Variants in TACR1 observed in about 807,000 individuals in gnomAD.
TACR1 encodes tachykinin receptor 1, also known as substance-P receptor.
Under a neutral mutation model 35.8 loss-of-function variants are expected in TACR1, and 25 were observed. The ratio of observed to expected loss-of-function variants is 0.70; its 90% CI spans 0.51 to 0.98. TACR1 has a LOEUF of 0.98. Among genes scored for constraint, TACR1 ranks in the 50% least tolerant of loss-of-function variants. The probability of loss-of-function intolerance (pLI) is 0.00; values close to 1 mark genes in which losing one functional copy is unlikely to be tolerated. For missense variants in TACR1, 478 were observed against 522.9 expected, an observed-to-expected ratio of 0.91 and a Z score of 0.84; for synonymous variants, 195 against 206.7, an observed-to-expected ratio of 0.94 and a Z score of 0.48.
chr2:75,061,676 A>G (rs918906679), intron 2 of TACR1, among the ~76,000 whole-genome samples: 2 of 152,186 alleles, frequency 1.3e-5, no homozygotes, highest in South Asian at 4.1e-4. Flanking sequence ...GTCGCCCTGT[A>G]TCGTGATGGG....
chr2:75,071,294 C>T (rs576290982), intron 2 of TACR1, among the ~76,000 whole-genome samples: 1 of 152,340 alleles, frequency 6.6e-6, no homozygotes, highest in African/African-American at 2.4e-5. Context: ...TAGGCTGGGC[C>T]CAACTCTTGC....
At chr2:75,195,816 T>TA (rs1258190382) in intron 1 of TACR1, among the ~76,000 whole-genome samples, 1 of 152,188 alleles carries the variant, frequency 6.6e-6, no homozygotes, top group African/African-American at 2.4e-5. Context: ...AATAGAATAG[T>TA]ATGAAGCCAT....
At chr2:75,129,418 G>GAAC (rs1236023873) in intron 1 of TACR1, among the ~76,000 whole-genome samples, 2 of 152,216 alleles carry the variant, frequency 1.3e-5, no homozygotes, top group Middle Eastern at 3.4e-3. Context: ...AAGTTTTTGT[G>GAAC]AACAACATCA....
intron 1 of TACR1, among the ~76,000 whole-genome samples, chr2:75,143,166 T>A (rs1674442740): frequency 6.6e-6 from 1 of 152,166 alleles, no homozygotes; most frequent in Admixed American, 6.5e-5. Flanking sequence ...GGTTGGGCTA[T>A]AGTCTGAGGT....
chr2:75,171,898 A>G (rs1468001606), intron 1 of TACR1, among the ~76,000 whole-genome samples: 1 of 152,028 alleles, frequency 6.6e-6, no homozygotes, highest in African/African-American at 2.4e-5. Flanking sequence ...GTCTCAGATG[A>G]GACTTTGGAC....
chr2:75,103,166 T>G (rs775830213), intron 2 of TACR1, among the ~76,000 whole-genome samples: 39 of 152,128 alleles, frequency 2.6e-4, no homozygotes, highest in Non-Finnish European at 5.0e-4. Flanking sequence ...AACAATAATA[T>G]ACCTAGAGCC....
At chr2:75,153,741 C>T (rs941669029) in intron 1 of TACR1, among the ~76,000 whole-genome samples, 1 of 152,190 alleles carries the variant, frequency 6.6e-6, no homozygotes, top group Non-Finnish European at 1.5e-5. Flanking sequence ...GTTGTGAAGA[C>T]AGAGGATCCA....
intron 2 of TACR1, among the ~76,000 whole-genome samples, chr2:75,112,660 GT>G (rs1673774917): frequency 6.6e-6 from 1 of 151,302 alleles, no homozygotes; most frequent in Non-Finnish European, 1.5e-5. Context: ...ATTTTATTTT[GT>G]CAAGGATTAT....
At chr2:75,122,886 G>A (rs1303549705) in intron 1 of TACR1, among the ~76,000 whole-genome samples, 1 of 152,194 alleles carries the variant, frequency 6.6e-6, no homozygotes, top group East Asian at 1.9e-4. Context: ...CTCTGGGGTA[G>A]TCCCTTGAAA....
In TACR1 at chr2:75,073,414, A is replaced by G. The variant is rs372566851; in HGVS notation, c.585-19659T>C. Reference sequence around the variant, plus strand: ...GCTTAGAGCCAACTTCTTTGGACTGACATCCCCCTTCAAGGGAGTAAGTGT... The same window carrying G: ...GCTTAGAGCCAACTTCTTTGGACTGGCATCCCCCTTCAAGGGAGTAAGTGT... On this transcript the variant is annotated intron_variant, in intron 2 of 4. Transcript: ENST00000305249. Among the ~76,000 whole-genome samples, 9 of 152,370 alleles carry G rather than the reference A, an allele frequency of 5.9e-5. No homozygotes were observed. The East Asian group carries it at 1.3e-3, about 23-fold the overall frequency.
At chr2:75,081,740 A>G (rs1673090431) in intron 2 of TACR1, among the ~76,000 whole-genome samples, 1 of 152,054 alleles carries the variant, frequency 6.6e-6, no homozygotes, top group African/African-American at 2.4e-5. Flanking sequence ...ATGTTTTTCA[A>G]GGTAAGGGAT....
chr2:75,085,371 G>A (rs1170542742), intron 2 of TACR1, among the ~76,000 whole-genome samples: 1 of 151,940 alleles, frequency 6.6e-6, no homozygotes, highest in Non-Finnish European at 1.5e-5. Context: ...TTGGTGTCCT[G>A]CAATCATTTC....
chr2:75,075,802 A>AT (rs1259998163), intron 2 of TACR1, among the ~76,000 whole-genome samples: 1 of 152,256 alleles, frequency 6.6e-6, no homozygotes, highest in Non-Finnish European at 1.5e-5. Flanking sequence ...AGAAGAAGAT[A>AT]TTTTAAGCTA....
chr2:75,058,639 G>A (rs1384100525), intron 2 of TACR1, among the ~76,000 whole-genome samples: 1 of 152,198 alleles, frequency 6.6e-6, no homozygotes. Flanking sequence ...CTGCTGATGA[G>A]CTTATCGGAA....
intron 1 of TACR1, among the ~76,000 whole-genome samples, chr2:75,142,151 T>C (rs1353809513): frequency 6.6e-6 from 1 of 152,114 alleles, no homozygotes; most frequent in African/African-American, 2.4e-5. Context: ...GAGATGAAGC[T>C]CAATCCTAGA....
At chr2:75,058,808 G>A (rs1672618931) in intron 2 of TACR1, among the ~76,000 whole-genome samples, 1 of 152,158 alleles carries the variant, frequency 6.6e-6, no homozygotes, top group Non-Finnish European at 1.5e-5. Flanking sequence ...CAATATCTTG[G>A]TGCTCATTAA....
chr2:75,154,994 C>T (rs1251590359), intron 1 of TACR1, among the ~76,000 whole-genome samples: 1 of 152,190 alleles, frequency 6.6e-6, no homozygotes, highest in African/African-American at 2.4e-5. Context: ...TCCAAATTCA[C>T]ACTGAGCATG....
At chr2:75,175,716 A>C (rs1177147174) in intron 1 of TACR1, among the ~76,000 whole-genome samples, 1 of 152,022 alleles carries the variant, frequency 6.6e-6, no homozygotes, top group Non-Finnish European at 1.5e-5. Context: ...GCCCAGGGAA[A>C]CTTCCCTATC....
chr2:75,094,838 CATATATAT>C (rs770472061), intron 2 of TACR1, among the ~76,000 whole-genome samples: 2 of 119,858 alleles, frequency 1.7e-5, no homozygotes, highest in South Asian at 2.7e-4. Context: ...GAAGCAGAAA[CATATATAT>C]ATATATATAT....
Sources: gnomAD v4.1 joint callset for allele counts (sites outside exome capture counted in the v4.1 genomes callset) on GRCh38, gnomAD v4.1.1 for gene constraint, MANE v1.5 for transcripts, NCBI Gene and HGNC (gene_info 2026-07-23, HGNC 2026-07-21) for gene names.